The following TEX11 variants were observed in gnomAD, a reference collection of about 807,000 sequenced individuals.
TEX11 encodes the protein testis-expressed protein 11.
Under a neutral mutation model 84.4 loss-of-function variants are expected in TEX11, and 7 were observed. The observed-to-expected ratio is 0.08, with a 90% CI of 0.05 to 0.16. TEX11 has a LOEUF of 0.16. Among genes scored for constraint, TEX11 ranks in the 10% least tolerant of loss-of-function variants. The pLI, the probability that TEX11 is intolerant of heterozygous loss-of-function variation, is 1.00. For missense variants in TEX11, 551 were observed against 660.5 expected, an observed-to-expected ratio of 0.83 and a Z score of 1.82; for synonymous variants, 264 against 222.8, an observed-to-expected ratio of 1.18 and a Z score of -1.64.
intron 9 of TEX11, among the ~76,000 whole-genome samples, chrX:70,759,353 G>A (rs1320621867): frequency 1.8e-5 from 2 of 111,417 alleles, no homozygotes; most frequent in African/African-American, 3.3e-5. Flanking sequence ...GCTGAACATC[G>A]ATGCGAAAAT....
At chrX:70,885,737 C>T (rs756308085) in intron 2 of TEX11, among the ~76,000 whole-genome samples, 12 of 109,237 alleles carry the variant, frequency 1.1e-4, no homozygotes, top group African/African-American at 4.0e-4. Flanking sequence ...ACCAAAAATA[C>T]AAAAATTAGC....
chrX:70,873,500 C>T (rs1434300539), intron 3 of TEX11, among the ~76,000 whole-genome samples, 193 bp from the exon 4 acceptor site: 1 of 111,661 alleles, frequency 9.0e-6, no homozygotes, highest in Non-Finnish European at 1.9e-5. Context: ...CTGAACACAA[C>T]TTGTTCATTC....
intron 11 of TEX11, among the ~76,000 whole-genome samples, chrX:70,739,024 C>T (rs1011249860): frequency 1.2e-4 from 13 of 110,872 alleles, no homozygotes; most frequent in African/African-American, 3.9e-4. Flanking sequence ...ACCTAGGTGA[C>T]GGGTTGATAG....
chrX:70,898,522 G>A (rs1407218256), intron 2 of TEX11, among the ~76,000 whole-genome samples: 1 of 112,010 alleles, frequency 8.9e-6, no homozygotes, highest in Non-Finnish European at 1.9e-5. Context: ...AAGGTATACA[G>A]GGGCCAGAAC....
At chrX:70,874,202 T>G (rs745546702) in intron 3 of TEX11, among the ~76,000 whole-genome samples, 6 of 110,662 alleles carry the variant, frequency 5.4e-5, no homozygotes, top group Non-Finnish European at 1.1e-4. Flanking sequence ...GCTTCTTATA[T>G]GATCTGCAGA....
intron 9 of TEX11, among the ~76,000 whole-genome samples, chrX:70,787,079 A>G (rs1291807904): frequency 1.8e-5 from 2 of 111,721 alleles, no homozygotes; most frequent in Non-Finnish European, 3.8e-5. Flanking sequence ...GGTTGCAGTG[A>G]GCCAAGATTG....
At chrX:70,599,481 C>A (rs1009329868) in intron 24 of TEX11, among the ~76,000 whole-genome samples, 8 of 109,613 alleles carry the variant, frequency 7.3e-5, no homozygotes, top group Admixed American at 2.0e-4. Flanking sequence ...GTTTAGAGAA[C>A]AGGGAGCAGA....
intron 17 of TEX11, among the ~76,000 whole-genome samples, chrX:70,643,695 T>G (rs1164954327): frequency 2.9e-5 from 3 of 103,767 alleles, no homozygotes; most frequent in Non-Finnish European, 3.9e-5. Flanking sequence ...TAATAAATGG[T>G]GCTGGGAAAA....
chrX:70,626,326 G>A (rs2089450980), intron 18 of TEX11, among the ~76,000 whole-genome samples: 1 of 110,540 alleles, frequency 9.0e-6, no homozygotes, highest in Non-Finnish European at 1.9e-5. Context: ...CAGAGAATAA[G>A]TTCCTCCTTA....
chrX:70,532,180 A>C (rs2087896424), intron 28 of TEX11, among the ~76,000 whole-genome samples: 1 of 112,218 alleles, frequency 8.9e-6, no homozygotes, highest in African/African-American at 3.2e-5. Flanking sequence ...AGTTTAGGGA[A>C]GTTTTACAGT....
intron 25 of TEX11, among the ~76,000 whole-genome samples, chrX:70,579,624 T>C (rs1443690573): frequency 1.8e-5 from 2 of 111,072 alleles, no homozygotes; most frequent in Admixed American, 9.6e-5. Flanking sequence ...CAGATATATA[T>C]ACAGAGCTCA....
At chrX:70,622,765 A>G (rs1281696860) in intron 20 of TEX11, among the ~76,000 whole-genome samples, 1 of 111,733 alleles carries the variant, frequency 8.9e-6, no homozygotes. Context: ...TTATTAACTC[A>G]TCATCAATCT....
At chrX:70,767,474 G>A (rs1602111046) in intron 9 of TEX11, among the ~76,000 whole-genome samples, 1 of 111,725 alleles carries the variant, frequency 9.0e-6, no homozygotes, top group Non-Finnish European at 1.9e-5. Context: ...ATGCTGGTGA[G>A]GGTGTGGAGA....
chrX:70,889,417 C>CA (rs1003559903), intron 2 of TEX11, among the ~76,000 whole-genome samples: 17 of 97,529 alleles, frequency 1.7e-4, no homozygotes, highest in East Asian at 6.4e-4. Flanking sequence ...GACTCCATCT[C>CA]AAAAAAAAAA....
chrX:70,755,860 C>A (rs946616055), intron 9 of TEX11, among the ~76,000 whole-genome samples: 2 of 112,390 alleles, frequency 1.8e-5, no homozygotes, highest in Non-Finnish European at 3.8e-5. Context: ...CCATGACAGT[C>A]TGTACCTGGA....
chrX:70,609,550 T>C (rs2089235153), intron 21 of TEX11, among the ~76,000 whole-genome samples: 1 of 112,427 alleles, frequency 8.9e-6, no homozygotes, highest in Non-Finnish European at 1.9e-5. Context: ...TGGCATAATA[T>C]TTACTGAGCC....
At chrX:70,517,529 T>C in the TEX11 span, among the ~76,000 whole-genome samples, 1 of 111,445 alleles carries the variant, frequency 9.0e-6, no homozygotes, top group Admixed American at 9.6e-5. Context: ...TTTGCCAGTA[T>C]TTTATTGAGG....
At chrX:70,725,001 G>A (rs1431920680) in intron 12 of TEX11, among the ~76,000 whole-genome samples, 3 of 109,932 alleles carry the variant, frequency 2.7e-5, no homozygotes, top group African/African-American at 9.9e-5. Context: ...GGTAGCTACA[G>A]TTCTCTGCTG....
In TEX11 at chrX:70,591,381, A is replaced by G. The variant is rs5936933; in HGVS notation, c.2140+370T>C. 6.5e-3 allele frequency among the ~76,000 whole-genome samples: 713 copies of G among 109,982 alleles called. 3 individuals are homozygous for G. Among genetic ancestry groups the G allele is most frequent in the East Asian group, 0.016 (54 of 3,448 alleles). On this transcript the variant is annotated intron_variant, in intron 25 of 29. Transcript: ENST00000374333. ...TTTGGGAGGCCGAGGTGGGCAAATC[A>G]CTTGAGGTCAGGAGTTCGAGACCAG... is the stretch of plus-strand genomic sequence containing the variant.
Sources: allele counts gnomAD v4.1 joint callset (sites outside exome capture counted in the v4.1 genomes callset), GRCh38; gene constraint gnomAD v4.1.1; transcripts MANE v1.5; gene names NCBI Gene and HGNC (gene_info 2026-07-23, HGNC 2026-07-21).